The following SNX13 variants were observed in gnomAD, a reference collection of about 807,000 sequenced individuals.
SNX13 encodes the protein sorting nexin-13.
SNX13 carries 45 observed loss-of-function variants against 133.6 expected under a neutral mutation model. The observed-to-expected ratio is 0.34, with a 90% CI of 0.27 to 0.43. The LOEUF is 0.43. Among genes scored for constraint, SNX13 ranks in the 20% least tolerant of loss-of-function variants. SNX13 has a pLI of 1.00. For missense variants in SNX13, 1,032 were observed against 1,145.1 expected (o/e 0.90, Z 1.43); for synonymous variants, 414 against 373.9 (o/e 1.11, Z -1.24).
intron 5 of SNX13, chr7:17,882,822 C>T (rs943724826): frequency 8.0e-7 from 1 of 1,249,650 alleles, no homozygotes; most frequent in African/African-American, 1.6e-5. Flanking sequence ...ATTTAAATTA[C>T]ATATTCTAGG....
At chr7:17,885,444 A>G (rs777478895) in intron 5 of SNX13, among the ~76,000 whole-genome samples, 2 of 152,204 alleles carry the variant, frequency 1.3e-5, no homozygotes, top group Non-Finnish European at 2.9e-5. Flanking sequence ...ATGCTTAACT[A>G]AAGCTACTGA....
At chr7:17,814,281 G>A (rs1248966606) in intron 20 of SNX13, among the ~76,000 whole-genome samples, 1 of 152,148 alleles carries the variant, frequency 6.6e-6, no homozygotes, top group African/African-American at 2.4e-5. Context: ...AAATAGTAGA[G>A]CAGGGATCTG....
intron 5 of SNX13, chr7:17,888,440 G>A (rs1423440982): frequency 9.6e-6 from 2 of 207,314 alleles, no homozygotes; most frequent in Admixed American, 5.9e-5. Context: ...GGAAAGAAGA[G>A]CAGGAAACTA....
chr7:17,799,045 T>G lies in SNX13; in HGVS notation c.2408A>C (p.Gln803Pro). ...LRRNIKNLLQ[Q>P]LIRATYGDTI... Reference sequence around the variant, plus strand: ...ATCGCCATATGTAGCTCTAATAAGCTGTTGAAGTAGGTTTTTGATATTCCT... The same window carrying G: ...ATCGCCATATGTAGCTCTAATAAGCGGTTGAAGTAGGTTTTTGATATTCCT... The change falls in exon 23 of 26, where the codon CAG becomes CCG. Residue 803 changes from glutamine (Q) to proline (P), a missense_variant. By Grantham distance (76) the Gln-to-Pro change is moderately conservative. Transcript: ENST00000428135. The G allele has an allele frequency of 6.2e-7, 1 of 1,610,732 alleles. No homozygotes were observed. The highest frequency in any genetic ancestry group is 8.5e-7 in the Non-Finnish European group (1 of 1,177,922).
chr7:17,807,406 T>C lies in SNX13; in HGVS notation c.2065-3826A>G, dbSNP rs193019142. 4.4e-3 allele frequency among the ~76,000 whole-genome samples: 672 copies of C among 152,274 alleles called. 3 individuals carry two copies. Among genetic ancestry groups the C allele is most frequent in the Middle Eastern group, 0.02 (6 of 294 alleles). The stretch of plus-strand genomic sequence containing the variant: ...CCACCACAACTCAGCAAAGCCACTG[T>C]AGCCACACTGCCTCACTAGATTCCT... On this transcript the variant is annotated intron_variant, in intron 20 of 25. Coordinates refer to ENST00000428135, the MANE Select transcript of SNX13 (RefSeq NM_015132.5).
chr7:17,883,573 A>G (rs1795612185), intron 5 of SNX13, among the ~76,000 whole-genome samples: 1 of 152,070 alleles, frequency 6.6e-6, no homozygotes, highest in African/African-American at 2.4e-5. Flanking sequence ...TGCTTTTTTT[A>G]ATACATACTT....
At chr7:17,832,111 T>A in intron 15 of SNX13, 1 of 983,882 alleles carries the variant, frequency 1.0e-6, no homozygotes, top group Non-Finnish European at 1.2e-6. Context: ...GATTCAAATG[T>A]GAGGGGTTAC....
At chr7:17,867,450 T>C (rs1428983097) in intron 9 of SNX13, among the ~76,000 whole-genome samples, 2 of 151,542 alleles carry the variant, frequency 1.3e-5, no homozygotes, top group South Asian at 2.1e-4. Flanking sequence ...CTACCAAAAG[T>C]ACAAAAAATT....
chr7:17,845,153 T>TACACAC (rs71010276), intron 12 of SNX13, among the ~76,000 whole-genome samples: 56 of 148,822 alleles, frequency 3.8e-4, no homozygotes, highest in African/African-American at 8.4e-4. Context: ...TGCGTGTGTG[T>TACACAC]ACACACACAC....
chr7:17,816,157 T>C (rs1277838528), intron 19 of SNX13, 25 bp downstream of exon 19: 4 of 1,508,124 alleles, frequency 2.7e-6, no homozygotes, highest in Admixed American at 4.9e-5. Flanking sequence ...TGAAAATCTG[T>C]GGATTATAGT....
At chr7:17,826,165 T>C in intron 16 of SNX13, 74 bp from the exon 17 acceptor site, 3 of 888,940 alleles carry the variant, frequency 3.4e-6, no homozygotes, top group South Asian at 1.7e-5. Context: ...TTCTACATCA[T>C]ATATGCATTA....
intron 1 of SNX13, among the ~76,000 whole-genome samples, chr7:17,906,503 A>G (rs1029833446): frequency 6.6e-6 from 1 of 152,076 alleles, no homozygotes; most frequent in Non-Finnish European, 1.5e-5. Flanking sequence ...CACGTAGTTT[A>G]TTTAGTTCCA....
At position 17,873,602 on chromosome 7, in the gene SNX13, A is replaced by T. The variant is rs774928009; in HGVS notation, c.679T>A (p.Leu227Met). ...PKDEEGFLRD[L>M]CEVLLYLLLP... ...AATAAATATAGTAAGACCTCACACA[A>T]ATCCCTTAGGAATCCTAAAAGTAGA... Residue 227 changes from leucine (L) to methionine (M), a missense_variant, in exon 8 of 26, where the codon TTG becomes ATG. Leu to Met is a conservative substitution (Grantham distance 15, BLOSUM62 2). Transcript: ENST00000428135. 3.2e-6 allele frequency: 5 copies of T among 1,567,422 alleles called. No individual in the cohort carries two copies. The African/African-American group carries it at 4.1e-5, about 13-fold the overall frequency.
At chr7:17,831,161 T>G in intron 15 of SNX13, 1 of 984,408 alleles carries the variant, frequency 1.0e-6, no homozygotes, top group Non-Finnish European at 1.2e-6. Context: ...AGGGCATAGT[T>G]TATTTTCTTG....
chr7:17,937,552 C>T (rs1802254752), intron 1 of SNX13, among the ~76,000 whole-genome samples: 1 of 148,428 alleles, frequency 6.7e-6, no homozygotes, highest in Non-Finnish European at 1.5e-5. Context: ...TTTCACAAAA[C>T]GCAAAACTGA....
chr7:17,894,280 G>C (rs1583661064), intron 2 of SNX13, among the ~76,000 whole-genome samples: 1 of 151,652 alleles, frequency 6.6e-6, no homozygotes, highest in South Asian at 2.1e-4. Flanking sequence ...TCTAGCGACA[G>C]AGTAAGACTC....
chr7:17,790,951 C>A lies in SNX13; in HGVS notation c.*3094G>T, dbSNP rs575009220. On this transcript the variant is annotated 3_prime_UTR_variant, in exon 26 of 26. Transcript: ENST00000428135. Reference sequence around the variant, plus strand: ...CTGTACAATGATATGCACACATTATCTTTTAACAATTATAATCCTAAAATG... The same window carrying A: ...CTGTACAATGATATGCACACATTATATTTTAACAATTATAATCCTAAAATG... 6.6e-6 allele frequency: 1 copy of A among 151,962 alleles called. No homozygotes were observed. Among genetic ancestry groups the A allele is most frequent in the Non-Finnish European group, 1.5e-5 (1 of 67,876 alleles). The allele number at this position is 151,962 out of a possible 1,614,324, so 9.4% of individuals were successfully genotyped here.
intron 25 of SNX13, 23 bp from the exon 26 acceptor site, chr7:17,794,315 C>A: frequency 1.9e-6 from 3 of 1,595,750 alleles, no homozygotes; most frequent in Non-Finnish European, 2.6e-6. Flanking sequence ...GAGGAAAACA[C>A]ACATAATTAT....
rs1783542422 is a variant in SNX13 at position 17,791,568 on chromosome 7, C to T, written c.*2477G>A. On this transcript the variant is annotated 3_prime_UTR_variant, in exon 26 of 26. Coordinates refer to ENST00000428135, the MANE Select transcript of SNX13 (RefSeq NM_015132.5). ...TGGTTTCTAAATAGTGTACATGTTA[C>T]CTGAAAAATCAGAAAACACAAAGAA... 1 of 151,832 alleles carries T rather than the reference C, an allele frequency of 6.6e-6. No individual in the cohort carries two copies. Among genetic ancestry groups the T allele is most frequent in the African/African-American group, 2.4e-5 (1 of 41,380 alleles). 9.4% of individuals were successfully genotyped at this position (151,832 alleles called of 1,614,324 possible).
Sources: allele counts gnomAD v4.1 joint callset (sites outside exome capture counted in the v4.1 genomes callset), GRCh38; gene constraint gnomAD v4.1.1; transcripts MANE v1.5; gene names NCBI Gene and HGNC (gene_info 2026-07-23, HGNC 2026-07-21).